SYNE2: variants seen among roughly 807,000 people sequenced by gnomAD.
SYNE2 encodes the protein spectrin repeat containing nuclear envelope protein 2, also known as nesprin-2.
SYNE2 carries 431 observed loss-of-function variants against 856.3 expected under a neutral mutation model. The ratio of observed to expected loss-of-function variants is 0.50; its 90% CI spans 0.47 to 0.55. The LOEUF (loss-of-function observed/expected upper bound fraction) is 0.55, where lower values mean the gene tolerates loss of function less well. Ranked by LOEUF, SYNE2 falls within the 20% of genes least tolerant of loss-of-function variation. The probability of loss-of-function intolerance (pLI) is 0.00; values close to 1 mark genes in which losing one functional copy is unlikely to be tolerated. For missense variants in SYNE2, 8,129 were observed against 8,023.2 expected (o/e 1.01, Z -0.50); for synonymous variants, 2,923 against 2,872.3 (o/e 1.02, Z -0.56).
chr14:64,225,096 A>C (rs769875898), intron 115 of SYNE2, 51 bp downstream of exon 115: 1 of 1,602,952 alleles, frequency 6.2e-7, no homozygotes, highest in Non-Finnish European at 8.5e-7. Context: ...CCACACTCCC[A>C]CTGACTCAGT....
intron 57 of SYNE2, among the ~76,000 whole-genome samples, chr14:64,083,891 C>T (rs1005684578): frequency 6.6e-6 from 1 of 152,038 alleles, no homozygotes; most frequent in Non-Finnish European, 1.5e-5. Context: ...CTGAAACATA[C>T]ATTCATAAAA....
intron 1 of SYNE2, among the ~76,000 whole-genome samples, chr14:63,794,966 ATTTG>A (rs1393757046): frequency 1.3e-5 from 2 of 152,122 alleles, no homozygotes; most frequent in Non-Finnish European, 2.9e-5. Context: ...AACCGTTTTT[ATTTG>A]TTTGTGACGG....
At chr14:64,020,545 T>C (rs1440897454) in intron 35 of SYNE2, among the ~76,000 whole-genome samples, 3 of 152,196 alleles carry the variant, frequency 2.0e-5, no homozygotes, top group Non-Finnish European at 2.9e-5. Context: ...GTCAATGATA[T>C]TATATTTTTG....
intron 1 of SYNE2, among the ~76,000 whole-genome samples, chr14:63,861,378 C>T (rs917114062): frequency 9.2e-5 from 14 of 151,812 alleles, no homozygotes; most frequent in African/African-American, 2.2e-4. Context: ...CTCCTGACCT[C>T]GTGATCCGCC....
At chr14:64,035,723 G>A (rs2097082853) in intron 45 of SYNE2, among the ~76,000 whole-genome samples, 1 of 151,914 alleles carries the variant, frequency 6.6e-6, no homozygotes, top group Admixed American at 6.6e-5. Context: ...ACAGGGTCTG[G>A]CTCTGTCACT....
intron 83 of SYNE2, among the ~76,000 whole-genome samples, chr14:64,144,526 G>A (rs1032848142): frequency 1.2e-4 from 18 of 151,992 alleles, no homozygotes; most frequent in Admixed American, 6.6e-5. Flanking sequence ...TCACAAAAGA[G>A]GAAATTATAG....
intron 1 of SYNE2, among the ~76,000 whole-genome samples, chr14:63,868,379 G>A (rs1895976494): frequency 6.6e-6 from 1 of 151,848 alleles, no homozygotes; most frequent in Non-Finnish European, 1.5e-5. Flanking sequence ...GGAAGCTGAT[G>A]TGAGAGGATT....
At chr14:64,140,892 T>C (rs1039458122) in intron 80 of SYNE2, among the ~76,000 whole-genome samples, 1 of 151,360 alleles carries the variant, frequency 6.6e-6, no homozygotes, top group Non-Finnish European at 1.5e-5. Context: ...GTTAGACTTT[T>C]CCTGTTTTTT....
At chr14:63,761,756 A>G (rs1050314624), upstream of SYNE2, among the ~76,000 whole-genome samples, 2 of 152,222 alleles carry the variant, frequency 1.3e-5, no homozygotes, top group African/African-American at 4.8e-5. Context: ...TCCTTCTGCT[A>G]TCTTCTCAAA....
intron 101 of SYNE2, 25 bp downstream of exon 101, chr14:64,208,970 C>T: frequency 1.9e-6 from 3 of 1,611,032 alleles, no homozygotes; most frequent in South Asian, 2.2e-5. Flanking sequence ...CCCCCAAATG[C>T]CTTCAGCGTG....
rs2097902433 is a variant in SYNE2 at position 64,122,030 on chromosome 14, A to G, written c.13177A>G (p.Met4393Val). ...QQQQVLELKP[M>V]EQKDFIKFIE... Reference sequence around the variant, plus strand: ...ATTACAGGTTCTGGAGTTAAAACCAATGGAACAGAAAGATTTCATCAAATT... The same window carrying G: ...ATTACAGGTTCTGGAGTTAAAACCAGTGGAACAGAAAGATTTCATCAAATT... Residue 4393 changes from methionine to valine, a missense_variant, in exon 69 of 116, where the codon ATG (methionine) becomes GTG (valine). Coordinates refer to ENST00000555002, the MANE Select transcript of SYNE2 (RefSeq NM_182914.3). The G allele has an allele frequency of 6.2e-7, 1 of 1,613,754 alleles. No homozygotes were observed. The highest frequency in any genetic ancestry group is 8.5e-7 in the Non-Finnish European group (1 of 1,179,992).
intron 2 of SYNE2, among the ~76,000 whole-genome samples, chr14:63,924,831 G>GTTTTTTTTT (rs1566813188): frequency 3.3e-5 from 1 of 30,142 alleles, no homozygotes; most frequent in Non-Finnish European, 6.3e-5. Flanking sequence ...TTCCAGCCTT[G>GTTTTTTTTT]GTGTTTTTTT....
intron 82 of SYNE2, 95 bp downstream of exon 82, chr14:64,142,183 CA>C: frequency 1.4e-6 from 2 of 1,439,356 alleles, no homozygotes; most frequent in Non-Finnish European, 1.9e-6. Flanking sequence ...GATATAATTT[CA>C]AAAAACTAAT....
chr14:64,095,862 C>T (rs769192131), intron 61 of SYNE2, among the ~76,000 whole-genome samples: 8 of 152,154 alleles, frequency 5.3e-5, no homozygotes, highest in South Asian at 2.1e-4. Context: ...ACAGCAGTAT[C>T]GGGAGGTGTG....
chr14:63,829,351 A>G (rs1449801827), intron 1 of SYNE2, among the ~76,000 whole-genome samples: 1 of 152,162 alleles, frequency 6.6e-6, no homozygotes, highest in Non-Finnish European at 1.5e-5. Context: ...CAAGTGGTCA[A>G]GGTTGCAGTG....
intron 2 of SYNE2, among the ~76,000 whole-genome samples, chr14:63,939,177 C>T (rs1404463747): frequency 6.6e-6 from 1 of 152,022 alleles, no homozygotes; most frequent in Admixed American, 6.5e-5. Flanking sequence ...TTGTTGAGTG[C>T]AGGGCTAACC....
intron 1 of SYNE2, among the ~76,000 whole-genome samples, chr14:63,884,106 G>A (rs1438866632): frequency 2.6e-5 from 4 of 152,138 alleles, no homozygotes; most frequent in Admixed American, 1.3e-4. Context: ...CCAGAGGGGC[G>A]CCCTAAGCTT....
At chr14:63,877,341 C>G (rs919533118) in intron 1 of SYNE2, among the ~76,000 whole-genome samples, 2 of 152,152 alleles carry the variant, frequency 1.3e-5, no homozygotes, top group African/African-American at 4.8e-5. Flanking sequence ...ACTTTACTTT[C>G]TAAGTTTGTT....
chr14:64,097,964 A>C lies in SYNE2; in HGVS notation c.12124A>C (p.Met4042Leu), dbSNP rs775297743. Residue 4042 changes from methionine (M) to leucine (L), a missense_variant, in exon 62 of 116, where the codon ATG becomes CTG. Met to Leu is a conservative substitution (Grantham distance 15). Around this residue, in one of 3 missense-constraint regions of SYNE2, gnomAD observed 5,410 missense variants for 5,284.8 expected, o/e 1.02. Transcript: ENST00000555002. Reference sequence around the variant, plus strand: ...TTCTACACAGGGAGAAATCGAACGTATGGAGAAACAGATTCTGAGTTTGAA... The same window carrying C: ...TTCTACACAGGGAGAAATCGAACGTCTGGAGAAACAGATTCTGAGTTTGAA... The part of the protein sequence containing the change: ...LPQLQGEIER[M>L]EKQILSLNQR... The C allele has an allele frequency of 6.2e-7, 1 of 1,614,120 alleles. No homozygotes were observed. The highest frequency in any genetic ancestry group is 1.1e-5 in the South Asian group (1 of 91,090).
Sources: allele counts gnomAD v4.1 joint callset (sites outside exome capture counted in the v4.1 genomes callset), GRCh38; gene constraint gnomAD v4.1.1; regional missense constraint gnomAD v4.1.1; transcripts MANE v1.5; gene names NCBI Gene and HGNC (gene_info 2026-07-23, HGNC 2026-07-21).